Variants in STAU2 observed in about 807,000 individuals in gnomAD.
STAU2 encodes the protein double-stranded RNA-binding protein Staufen homolog 2.
In STAU2, 20 loss-of-function variants were observed where a neutral mutation model predicts 65.9. That is an observed-to-expected ratio of 0.30 (90% CI 0.21 to 0.44). STAU2 has a LOEUF of 0.44. Among genes scored for constraint, STAU2 ranks in the 20% least tolerant of loss-of-function variants. The pLI is 1.00. For missense variants in STAU2, 558 were observed against 683.9 expected (o/e 0.82, Z 2.05); for synonymous variants, 232 against 233.9 (o/e 0.99, Z 0.07).
intron 13 of STAU2, among the ~76,000 whole-genome samples, chr8:73,481,517 A>C (rs1174908236): frequency 7.2e-5 from 2 of 27,682 alleles, no homozygotes; most frequent in African/African-American, 1.8e-4. Context: ...ACAAAAAAAC[A>C]AAAAAAAAAA....
At chr8:73,700,496 C>A (rs1204704581) in intron 4 of STAU2, among the ~76,000 whole-genome samples, 1 of 151,946 alleles carries the variant, frequency 6.6e-6, no homozygotes, top group Non-Finnish European at 1.5e-5. Context: ...AATAAATATA[C>A]TAAATCAGTA....
At chr8:73,702,270 C>T (rs58714960) in intron 4 of STAU2, among the ~76,000 whole-genome samples, 10,875 of 152,110 alleles carry the variant, frequency 0.071, 426 homozygotes, top group Middle Eastern at 0.14. Flanking sequence ...AGGATAAATG[C>T]TTGAGGCTTT....
chr8:73,490,590 A>T (rs899849763), intron 13 of STAU2, among the ~76,000 whole-genome samples: 3 of 152,070 alleles, frequency 2.0e-5, no homozygotes, highest in African/African-American at 4.8e-5. Flanking sequence ...CACGGCCTTT[A>T]CTTAAAAGGA....
intron 13 of STAU2, among the ~76,000 whole-genome samples, chr8:73,525,011 C>T (rs901567815): frequency 6.6e-6 from 1 of 151,978 alleles, no homozygotes; most frequent in Non-Finnish European, 1.5e-5. Flanking sequence ...GTCTCCTTTC[C>T]CCAGGGAGCC....
intron 3 of STAU2, among the ~76,000 whole-genome samples, chr8:73,723,576 T>C (rs1287446048): frequency 6.6e-6 from 1 of 152,252 alleles, no homozygotes; most frequent in Admixed American, 6.5e-5. Context: ...TCTTTCTCTA[T>C]GCTTCATTCT....
intron 13 of STAU2, among the ~76,000 whole-genome samples, chr8:73,530,930 G>T (rs1308932792): frequency 6.6e-6 from 1 of 152,150 alleles, no homozygotes; most frequent in Non-Finnish European, 1.5e-5. Flanking sequence ...GCCAGAGGGG[G>T]CCACTGACTC....
At chr8:73,438,996 C>T (rs1312799935) in intron 13 of STAU2, 1 of 456,636 alleles carries the variant, frequency 2.2e-6, no homozygotes, top group African/African-American at 2.0e-5. Flanking sequence ...CCTGGTTCCT[C>T]AACGTCTCCG....
At chr8:73,570,209 G>T (rs552808532) in intron 12 of STAU2, among the ~76,000 whole-genome samples, 1 of 152,046 alleles carries the variant, frequency 6.6e-6, no homozygotes, top group East Asian at 1.9e-4. Flanking sequence ...TGGAAGTAAG[G>T]GTATCAGTGA....
chr8:73,643,597 G>A (rs1157462954), intron 6 of STAU2, among the ~76,000 whole-genome samples: 1 of 152,156 alleles, frequency 6.6e-6, no homozygotes, highest in Non-Finnish European at 1.5e-5. Flanking sequence ...TTTAAAAACA[G>A]GAGGTCCAGT....
At chr8:73,734,233 GTT>G (rs11370206) in intron 3 of STAU2, among the ~76,000 whole-genome samples, 4 of 131,564 alleles carry the variant, frequency 3.0e-5, no homozygotes, top group Admixed American at 7.6e-5. Flanking sequence ...TTCAGGGTTT[GTT>G]TTTTTTTTTT....
intron 6 of STAU2, among the ~76,000 whole-genome samples, chr8:73,637,477 T>TAAAAAAAAAAAAAAAAAAAAAAAAAAA (rs60833468): frequency 2.3e-4 from 13 of 57,088 alleles, no homozygotes; most frequent in Admixed American, 2.9e-4. Flanking sequence ...GTGCTGAAAG[T>TAAAAAAAAAAAAAAAAAAAAAAAAAAA]AAAAAAAAAA....
chr8:73,422,277 T>C (rs1050996059), intron 14 of STAU2, among the ~76,000 whole-genome samples: 3 of 152,064 alleles, frequency 2.0e-5, no homozygotes, highest in Non-Finnish European at 4.4e-5. Flanking sequence ...CCGCTGAAAA[T>C]GGCTTAGCCA....
intron 3 of STAU2, among the ~76,000 whole-genome samples, chr8:73,730,808 G>A (rs1806006868): frequency 6.6e-6 from 1 of 151,666 alleles, no homozygotes; most frequent in African/African-American, 2.4e-5. Context: ...TGTCTGTTAG[G>A]TCTAGTTGAT....
intron 6 of STAU2, among the ~76,000 whole-genome samples, chr8:73,658,011 A>T (rs1414841104): frequency 1.4e-5 from 2 of 143,144 alleles, no homozygotes; most frequent in Non-Finnish European, 3.1e-5. Context: ...ACACTCCATT[A>T]AAAAAAAAAA....
chr8:73,479,620 A>G (rs1044774871), intron 13 of STAU2, among the ~76,000 whole-genome samples: 1 of 152,078 alleles, frequency 6.6e-6, no homozygotes, highest in Non-Finnish European at 1.5e-5. Context: ...GCACTTAAGA[A>G]AACTAGTCTT....
intron 5 of STAU2, 39 bp from the exon 6 acceptor site, chr8:73,673,281 T>C (rs1817812461): frequency 6.7e-7 from 1 of 1,489,348 alleles, no homozygotes; most frequent in African/African-American, 1.4e-5. Flanking sequence ...ACAAGTGAAA[T>C]ATCTTCACAA....
At chr8:73,662,748 C>T (rs1429877680) in intron 6 of STAU2, among the ~76,000 whole-genome samples, 1 of 152,118 alleles carries the variant, frequency 6.6e-6, no homozygotes, top group Non-Finnish European at 1.5e-5. Context: ...TCCTGAGTAG[C>T]TGGGGTTACA....
intron 11 of STAU2, among the ~76,000 whole-genome samples, chr8:73,587,264 T>G (rs1810445085): frequency 6.6e-6 from 1 of 152,076 alleles, no homozygotes; most frequent in Non-Finnish European, 1.5e-5. Context: ...ATAAAAAAAT[T>G]TCAGACCACA....
intron 13 of STAU2, among the ~76,000 whole-genome samples, chr8:73,459,133 G>A (rs538500520): frequency 1.3e-5 from 2 of 151,818 alleles, no homozygotes; most frequent in East Asian, 3.9e-4. Context: ...AACAACTAAC[G>A]GCTGCTGTTT....
Sources: gnomAD v4.1 joint callset for allele counts (sites outside exome capture counted in the v4.1 genomes callset) on GRCh38, gnomAD v4.1.1 for gene constraint, MANE v1.5 for transcripts, NCBI Gene and HGNC (gene_info 2026-07-23, HGNC 2026-07-21) for gene names.